The following CHMP3 variants were observed in gnomAD, a reference collection of about 807,000 sequenced individuals.
CHMP3 encodes the protein 25.1 protein.
A neutral mutation model predicts 27.4 loss-of-function variants in CHMP3; 8 were observed. That is an observed-to-expected ratio of 0.29 (90% confidence interval 0.17 to 0.53). The LOEUF (loss-of-function observed/expected upper bound fraction) is 0.53. Ranked by LOEUF, CHMP3 falls within the 20% of genes least tolerant of loss-of-function variation. The probability of loss-of-function intolerance (pLI) is 0.96; values close to 1 mark genes in which losing one functional copy is unlikely to be tolerated. For synonymous variants in CHMP3, 86 were observed against 85.5 expected (o/e 1.01, Z -0.03); for missense variants, 208 against 271.5 (o/e 0.77, Z 1.64).
intron 1 of CHMP3, among the ~76,000 whole-genome samples, chr2:86,553,333 T>C (rs1676985358): frequency 6.6e-6 from 1 of 151,978 alleles, no homozygotes; most frequent in Admixed American, 6.6e-5. Flanking sequence ...GCAGGGGATA[T>C]TTATTTATTT....
rs773404925 is a variant in CHMP3, at chr2:86,529,207, T to G, written c.286+11A>C. ...CATTATGAGGTGACTGTAAGGTAAG[T>G]GCAGCCTTACCGAGCTGGTTCTTCA... is the stretch of plus-strand genomic sequence containing the variant. On this transcript the variant is annotated intron_variant, in intron 3 of 5. Coordinates refer to ENST00000263856, the MANE Select transcript of CHMP3 (RefSeq NM_016079.4). The G allele has an allele frequency of 6.3e-7, 1 of 1,598,354 alleles. No individual in the cohort carries two copies. The highest frequency in any genetic ancestry group is 2.3e-5 in the East Asian group (1 of 43,948).
intron 1 of CHMP3, among the ~76,000 whole-genome samples, chr2:86,546,421 T>G: frequency 6.7e-6 from 1 of 149,244 alleles, no homozygotes; most frequent in Non-Finnish European, 1.5e-5. Flanking sequence ...ATTTTCTTAA[T>G]GCCCAGTGAA....
chr2:86,537,858 A>G (rs1462140284), intron 2 of CHMP3, among the ~76,000 whole-genome samples: 1 of 152,186 alleles, frequency 6.6e-6, no homozygotes, highest in Non-Finnish European at 1.5e-5. Flanking sequence ...AAAACAGTAA[A>G]TGGTTCCCCC....
chr2:86,518,087 CATTTACAA>C (rs1461750371), intron 3 of CHMP3, among the ~76,000 whole-genome samples: 1 of 152,044 alleles, frequency 6.6e-6, no homozygotes, highest in East Asian at 1.9e-4. Context: ...TTAAAACAGG[CATTTACAA>C]ACACAATGAA....
intron 1 of CHMP3, chr2:86,563,041 G>A (rs1179240304): frequency 2.4e-6 from 1 of 421,116 alleles, no homozygotes; most frequent in Admixed American, 3.9e-5. Context: ...CGGTGTCGCT[G>A]CCTACGCGCT....
intron 5 of CHMP3, among the ~76,000 whole-genome samples, chr2:86,506,719 C>T (rs1051184544): frequency 6.6e-6 from 1 of 151,210 alleles, no homozygotes; most frequent in Non-Finnish European, 1.5e-5. Context: ...GCAATCCTCC[C>T]ACCTCAGTCT....
intron 1 of CHMP3, among the ~76,000 whole-genome samples, chr2:86,551,947 G>A (rs1676921175): frequency 6.6e-6 from 1 of 152,140 alleles, no homozygotes; most frequent in Non-Finnish European, 1.5e-5. Flanking sequence ...TCAAATTTTG[G>A]TATCTAAATA....
At position 86,563,294 on chromosome 2, in the gene CHMP3, T is replaced by C. The variant is rs151210599; in HGVS notation, c.45+10A>G. On this transcript the variant is annotated intron_variant, in intron 1 of 5. Transcript: ENST00000263856. ...TCCACCCGCTTATCTGCCGCCGCCG[T>C]AGCCCTTACCAGTTCTTTGGGCGGC... 8.8e-5 allele frequency: 142 copies of C among 1,613,986 alleles called. No homozygotes were observed. The African/African-American group carries it at 1.6e-3, about 18-fold the overall frequency.
At chr2:86,513,052 C>T (rs1675166132) in intron 3 of CHMP3, among the ~76,000 whole-genome samples, 1 of 152,224 alleles carries the variant, frequency 6.6e-6, no homozygotes, top group South Asian at 2.1e-4. Flanking sequence ...AAAACCTGCA[C>T]ACAGATGTCT....
rs1157849636 is a variant in CHMP3, at chr2:86,512,834, A to G, written c.287-2355T>C. On this transcript the variant is annotated intron_variant, in intron 3 of 5. Coordinates refer to ENST00000263856, the MANE Select transcript of CHMP3 (RefSeq NM_016079.4). ...AAATTAAAACAATGAGATACCACTA[A>G]AAACCCCTTAGAATGGCCCAATCCA... Among the ~76,000 whole-genome samples, 3 of 152,220 alleles carry G rather than the reference A, an allele frequency of 2.0e-5. No homozygotes were observed. In the East Asian group the frequency reaches 5.8e-4, roughly 29 times the overall value.
At chr2:86,553,950 G>A (rs1391734926) in intron 1 of CHMP3, among the ~76,000 whole-genome samples, 1 of 152,218 alleles carries the variant, frequency 6.6e-6, no homozygotes, top group Non-Finnish European at 1.5e-5. Context: ...TGGTATGAAT[G>A]TTGGTGCATG....
At chr2:86,541,850 C>T (rs186674516) in intron 2 of CHMP3, among the ~76,000 whole-genome samples, 24 of 152,192 alleles carry the variant, frequency 1.6e-4, no homozygotes, top group Non-Finnish European at 2.9e-5. Context: ...TTAAATATTA[C>T]CATCCCTTTG....
At chr2:86,521,395 A>G (rs1259980547) in intron 3 of CHMP3, among the ~76,000 whole-genome samples, 5 of 152,236 alleles carry the variant, frequency 3.3e-5, no homozygotes, top group Non-Finnish European at 1.5e-5. Context: ...TAAAATATAC[A>G]TAACATAAAA....
intron 2 of CHMP3, among the ~76,000 whole-genome samples, chr2:86,532,196 G>A (rs1464887545): frequency 6.6e-6 from 1 of 151,994 alleles, no homozygotes; most frequent in African/African-American, 2.4e-5. Flanking sequence ...CTAAGTATTT[G>A]ATTATTTTTG....
At chr2:86,545,520 C>T (rs1269623228) in intron 1 of CHMP3, among the ~76,000 whole-genome samples, 2 of 80,550 alleles carry the variant, frequency 2.5e-5, no homozygotes, top group African/African-American at 9.1e-5. Context: ...CGGGCAGAGG[C>T]GCTCCTCACT....
At chr2:86,550,247 A>C (rs972501091) in intron 1 of CHMP3, among the ~76,000 whole-genome samples, 3 of 152,154 alleles carry the variant, frequency 2.0e-5, no homozygotes, top group African/African-American at 4.8e-5. Flanking sequence ...GTGGCGGCGC[A>C]CGCCCGCAAT....
At chr2:86,530,136 G>GCA (rs1362613545) in intron 2 of CHMP3, among the ~76,000 whole-genome samples, 46 of 152,192 alleles carry the variant, frequency 3.0e-4, no homozygotes, top group African/African-American at 1.1e-3. Context: ...GGGATTACAA[G>GCA]CACCCACCAC....
chr2:86,559,038 G>A (rs1216891046), intron 1 of CHMP3, among the ~76,000 whole-genome samples: 1 of 152,126 alleles, frequency 6.6e-6, no homozygotes, highest in Non-Finnish European at 1.5e-5. Flanking sequence ...CAGATAGCTG[G>A]TAAAGCACTA....
chr2:86,562,942 C>G (rs1348977732), intron 1 of CHMP3: 1 of 202,028 alleles, frequency 4.9e-6, no homozygotes, highest in Non-Finnish European at 9.9e-6. Context: ...GGTCCGCAGC[C>G]GGGCTGGAGG....
Sources: gnomAD v4.1 joint callset for allele counts (sites outside exome capture counted in the v4.1 genomes callset) on GRCh38, gnomAD v4.1.1 for gene constraint, MANE v1.5 for transcripts, NCBI Gene and HGNC (gene_info 2026-07-23, HGNC 2026-07-21) for gene names.